Variants in PSME4 observed in about 807,000 individuals in gnomAD.
PSME4 encodes the protein proteasome activator complex subunit 4.
In PSME4, 89 loss-of-function variants were observed where a neutral mutation model predicts 253.9. That is an observed-to-expected ratio of 0.35 (90% CI 0.30 to 0.42). The LOEUF (loss-of-function observed/expected upper bound fraction) is 0.42, where lower values mean the gene tolerates loss of function less well. PSME4 is among the 10% of genes least tolerant of loss of function. The pLI, the probability that PSME4 is intolerant of heterozygous loss-of-function variation, is 1.00. For missense variants in PSME4, 2,014 were observed against 2,195.2 expected (o/e 0.92, Z 1.65); for synonymous variants, 851 against 759.2 (o/e 1.12, Z -1.99).
At chr2:53,905,875 A>AT (rs1278288711) in intron 26 of PSME4, among the ~76,000 whole-genome samples, 2 of 152,122 alleles carry the variant, frequency 1.3e-5, no homozygotes, top group African/African-American at 2.4e-5. Context: ...TGGATTTGAG[A>AT]TTTTTTTCAC....
chr2:53,940,945 A>ATATACATATT (rs1669385219), intron 3 of PSME4, among the ~76,000 whole-genome samples: 1 of 34,236 alleles, frequency 2.9e-5, no homozygotes, highest in Non-Finnish European at 4.8e-5. Context: ...ATATAAATAT[A>ATATACATATT]TATATACATA....
intron 3 of PSME4, among the ~76,000 whole-genome samples, chr2:53,947,693 G>A (rs1458753394): frequency 1.8e-5 from 2 of 113,934 alleles, no homozygotes; most frequent in African/African-American, 7.0e-5. Flanking sequence ...GCGACAGAGC[G>A]AGACTCCATC....
intron 1 of PSME4, among the ~76,000 whole-genome samples, chr2:53,965,107 A>T (rs1670655051): frequency 1.3e-5 from 2 of 152,138 alleles, no homozygotes; most frequent in East Asian, 3.8e-4. Flanking sequence ...ACACAGACAC[A>T]CACACACACA....
At chr2:53,880,538 T>A (rs768653281) in intron 41 of PSME4, among the ~76,000 whole-genome samples, 1 of 152,194 alleles carries the variant, frequency 6.6e-6, no homozygotes, top group Non-Finnish European at 1.5e-5. Flanking sequence ...AGAGGTTCCA[T>A]CAACAGAAAA....
At position 53,914,527 on chromosome 2, in the gene PSME4, T is replaced by TA. The variant is rs578256920; in HGVS notation, c.2517-4398dup. On this transcript the variant is annotated intron_variant, in intron 20 of 46. Coordinates refer to ENST00000404125, the MANE Select transcript of PSME4 (RefSeq NM_014614.3). ...ACGAAATAAGAAAAAAATTTATCCT[T>TA]AATTACCCACAATTACTTTATTATA... Among the ~76,000 whole-genome samples the TA allele has an allele frequency of 1.8e-4, 27 of 152,310 alleles. No individual in the cohort carries two copies. The East Asian group carries it at 4.6e-3, about 26-fold the overall frequency.
At chr2:53,970,521 C>G (rs1474835979) in intron 1 of PSME4, 22 bp downstream of exon 1, 1 of 1,547,926 alleles carries the variant, frequency 6.5e-7, no homozygotes, top group East Asian at 2.4e-5. Context: ...CCGGCCCGGC[C>G]CGCAGGCCCG....
chr2:53,867,494 G>A (rs555242113), intron 44 of PSME4, among the ~76,000 whole-genome samples: 1 of 117,004 alleles, frequency 8.5e-6, no homozygotes, highest in East Asian at 2.8e-4. Context: ...GTGAGGCTCC[G>A]TCTCAAGGAA....
chr2:53,940,956 T>TTTAAATATATATAATACATATTTAA lies in PSME4; in HGVS notation c.501-957_501-956insTTAAATATGTATTATATATATTTAA, dbSNP rs1553338431. ...ACATATATAAATATATATATACATA[T>TTTAAATATATATAATACATATTTAA]ATATATATATATATATATATATATA... On this transcript the variant is annotated intron_variant, in intron 3 of 46. Coordinates refer to ENST00000404125, the MANE Select transcript of PSME4 (RefSeq NM_014614.3). Among the ~76,000 whole-genome samples, 5 of 38,254 alleles carry TTTAAATATATATAATACATATTTAA rather than the reference T, an allele frequency of 1.3e-4. 1 individual carries two copies. Among genetic ancestry groups the TTTAAATATATATAATACATATTTAA allele is most frequent in the Non-Finnish European group, 2.9e-4 (5 of 17,364 alleles). 25.1% of individuals were successfully genotyped at this position (38,254 alleles called of 152,430 possible).
At chr2:53,904,273 AATTT>A in intron 26 of PSME4, 117 bp from the exon 27 acceptor site, 1 of 1,111,752 alleles carries the variant, frequency 9.0e-7, no homozygotes, top group South Asian at 1.8e-5. Flanking sequence ...TAACAAAATA[AATTT>A]CAAAGCACGT....
intron 3 of PSME4, among the ~76,000 whole-genome samples, chr2:53,940,940 A>ATACATATTTAAATAT (rs1558413493): frequency 1.9e-5 from 1 of 51,314 alleles, no homozygotes; most frequent in South Asian, 5.5e-4. Context: ...TACATATATA[A>ATACATATTTAAATAT]ATATATATAT....
intron 3 of PSME4, among the ~76,000 whole-genome samples, chr2:53,947,794 TCA>T (rs1161719427): frequency 2.6e-5 from 4 of 152,046 alleles, no homozygotes. Flanking sequence ...GGCAGGCAGA[TCA>T]CCTGAGGTCA....
intron 20 of PSME4, among the ~76,000 whole-genome samples, chr2:53,915,412 C>T (rs1668013983): frequency 6.6e-6 from 1 of 151,816 alleles, no homozygotes; most frequent in Admixed American, 6.6e-5. Context: ...TGTATTCCAA[C>T]CTGGACAACA....
chr2:53,923,913 CAAAAAAA>C (rs199929436), intron 14 of PSME4, among the ~76,000 whole-genome samples: 522 of 96,762 alleles, frequency 5.4e-3, no homozygotes, highest in African/African-American at 0.013. Flanking sequence ...ACAGAGTTAA[CAAAAAAA>C]AAAAAAAAAA....
intron 18 of PSME4, 74 bp downstream of exon 18, chr2:53,920,815 A>G (rs940844110): frequency 4.7e-6 from 6 of 1,273,446 alleles, no homozygotes; most frequent in African/African-American, 4.5e-5. Context: ...ATATGCAAGA[A>G]AAAATAACAC....
chr2:53,910,485 C>T (rs1332080414), intron 20 of PSME4, among the ~76,000 whole-genome samples: 3 of 152,144 alleles, frequency 2.0e-5, no homozygotes, highest in Non-Finnish European at 4.4e-5. Context: ...TTTACTAAAG[C>T]ATATAGAGCT....
chr2:53,965,678 T>G (rs1458545776), intron 1 of PSME4, among the ~76,000 whole-genome samples: 13 of 151,404 alleles, frequency 8.6e-5, no homozygotes, highest in Non-Finnish European at 1.2e-4. Flanking sequence ...TTGTTTTTTT[T>G]TTTTTGAGTC....
At chr2:53,891,256 G>A (rs1265597173) in intron 36 of PSME4, among the ~76,000 whole-genome samples, 1 of 152,064 alleles carries the variant, frequency 6.6e-6, no homozygotes, top group Non-Finnish European at 1.5e-5. Flanking sequence ...CATGTACGTC[G>A]TACAGAGACT....
chr2:53,872,760 A>T (rs2104411462), intron 43 of PSME4, among the ~76,000 whole-genome samples: 1 of 148,394 alleles, frequency 6.7e-6, no homozygotes, highest in South Asian at 2.1e-4. Context: ...AAAAAAAAAA[A>T]AAAAAAAAGA....
At chr2:53,884,359 C>T (rs1361055639) in intron 41 of PSME4, among the ~76,000 whole-genome samples, 14 of 152,050 alleles carry the variant, frequency 9.2e-5, no homozygotes, top group East Asian at 7.7e-4. Flanking sequence ...TACAGGCGTG[C>T]GCCACCATGC....
Sources: gnomAD v4.1 joint callset for allele counts (sites outside exome capture counted in the v4.1 genomes callset) on GRCh38, gnomAD v4.1.1 for gene constraint, MANE v1.5 for transcripts, NCBI Gene and HGNC (gene_info 2026-07-23, HGNC 2026-07-21) for gene names.